PPP1R9A: variants seen among roughly 807,000 people sequenced by gnomAD.
The protein encoded by PPP1R9A is neurabin-1.
PPP1R9A carries 59 observed loss-of-function variants against 141.9 expected under a neutral mutation model. That is an observed-to-expected ratio of 0.42 (90% CI 0.34 to 0.52). PPP1R9A has a LOEUF of 0.52. Ranked by LOEUF, PPP1R9A falls within the 20% of genes least tolerant of loss-of-function variation. The pLI is 0.10. For synonymous variants in PPP1R9A, 500 were observed against 569.7 expected, an observed-to-expected ratio of 0.88 and a Z score of 1.74; for missense variants, 1,444 against 1,611.9, an observed-to-expected ratio of 0.90 and a Z score of 1.78.
chr7:95,087,768 G>A lies in PPP1R9A; in HGVS notation c.1396-23491G>A, dbSNP rs142799191. On this transcript the variant is annotated intron_variant, in intron 2 of 19. Coordinates refer to ENST00000433360, the MANE Select transcript of PPP1R9A (RefSeq NM_001166160.2). The stretch of plus-strand genomic sequence containing the variant: ...AAATTAGCTGGGTGCGGTGGCAGGC[G>A]TCTGTAATCCCAGCTACTCAGGAGG... Among the ~76,000 whole-genome samples, 296 of 151,898 alleles carry A rather than the reference G, an allele frequency of 1.9e-3. 5 individuals are homozygous for A. The highest frequency in any genetic ancestry group is 6.6e-3 in the African/African-American group (273 of 41,302).
At chr7:94,921,331 C>T (rs1382354317) in intron 2 of PPP1R9A, among the ~76,000 whole-genome samples, 5 of 151,730 alleles carry the variant, frequency 3.3e-5, no homozygotes, top group Non-Finnish European at 7.4e-5. Flanking sequence ...CCTGTAGTCC[C>T]AGCTACTCGG....
At chr7:95,185,847 G>C (rs2106495) in intron 5 of PPP1R9A, among the ~76,000 whole-genome samples, 93,566 of 151,880 alleles carry the variant, frequency 0.62, 29,529 homozygotes, top group African/African-American at 0.76. Context: ...AAATATTTGG[G>C]TTTATTTCTG....
At chr7:94,949,331 A>T (rs1796213744) in intron 2 of PPP1R9A, among the ~76,000 whole-genome samples, 1 of 152,100 alleles carries the variant, frequency 6.6e-6, no homozygotes, top group East Asian at 1.9e-4. Flanking sequence ...TGCAGGGAGG[A>T]GGAATAGGAG....
rs140296486 is a variant in PPP1R9A at position 95,267,895 on chromosome 7, CTGTT to C, written c.2666-649_2666-646del. Among the ~76,000 whole-genome samples the C allele has an allele frequency of 3.1e-4, 47 of 152,220 alleles. No individual in the cohort carries two copies. The East Asian group carries it at 6.4e-3, about 21-fold the overall frequency. ...AAACTAAGTACTTACGATTTTTTAA[CTGTT>C]TGTTTCTTCATTTGTGTAGCCAGAC... is the stretch of plus-strand genomic sequence containing the variant. On this transcript the variant is annotated intron_variant, in intron 12 of 19. Transcript: ENST00000433360.
intron 4 of PPP1R9A, among the ~76,000 whole-genome samples, chr7:95,153,382 G>A (rs1829058968): frequency 6.6e-6 from 1 of 152,120 alleles, no homozygotes; most frequent in Non-Finnish European, 1.5e-5. Flanking sequence ...TTAGAATCAT[G>A]ATTCAGTTCA....
chr7:95,195,275 C>T (rs1347785223), intron 5 of PPP1R9A, among the ~76,000 whole-genome samples: 1 of 150,278 alleles, frequency 6.7e-6, no homozygotes, highest in Non-Finnish European at 1.5e-5. Flanking sequence ...AAGCAAAAGC[C>T]ATCAGTTTTT....
chr7:95,268,419 C>T (rs1165981149), intron 12 of PPP1R9A, 131 bp from the exon 13 acceptor site: 5 of 914,526 alleles, frequency 5.5e-6, no homozygotes, highest in Non-Finnish European at 8.1e-6. Flanking sequence ...TTCTTGGTTA[C>T]AGGCTGTCAT....
chr7:95,237,069 A>C (rs1240174484), intron 8 of PPP1R9A, among the ~76,000 whole-genome samples: 3 of 151,506 alleles, frequency 2.0e-5, no homozygotes, highest in Non-Finnish European at 4.4e-5. Flanking sequence ...TTATATTAAT[A>C]GCTTGATACA....
intron 8 of PPP1R9A, among the ~76,000 whole-genome samples, chr7:95,236,725 TTTTC>T (rs1272403940): frequency 1.3e-5 from 2 of 151,780 alleles, no homozygotes; most frequent in Non-Finnish European, 1.5e-5. Flanking sequence ...AATATTTCTT[TTTTC>T]TTTCTTCTTT....
intron 2 of PPP1R9A, among the ~76,000 whole-genome samples, chr7:94,957,295 G>C (rs1229978406): frequency 1.3e-5 from 2 of 152,128 alleles, no homozygotes; most frequent in African/African-American, 4.8e-5. Context: ...ATGCTTGACA[G>C]GGGTTAAAAC....
At chr7:94,908,389 G>A (rs1791038793) in intron 1 of PPP1R9A, 1 of 152,110 alleles carries the variant, frequency 6.6e-6, no homozygotes, top group African/African-American at 2.4e-5. Context: ...TGTGGCCAGG[G>A]AGCTCGTCTC....
intron 2 of PPP1R9A, among the ~76,000 whole-genome samples, chr7:94,976,768 A>T (rs1799496985): frequency 6.6e-6 from 1 of 152,138 alleles, no homozygotes; most frequent in African/African-American, 2.4e-5. Context: ...GGAATCAAGG[A>T]TCTGGAATCT....
intron 2 of PPP1R9A, among the ~76,000 whole-genome samples, chr7:94,944,716 C>A (rs1202402513): frequency 6.6e-6 from 1 of 151,990 alleles, no homozygotes; most frequent in Non-Finnish European, 1.5e-5. Flanking sequence ...TTCTCAGAAT[C>A]TTTTTCTCAA....
chr7:95,128,989 G>A (rs28806178), intron 4 of PPP1R9A, among the ~76,000 whole-genome samples: 43,204 of 152,082 alleles, frequency 0.28, 7,525 homozygotes, highest in Middle Eastern at 0.43. Context: ...GAGGTCTTAC[G>A]TTTAAATCTT....
rs570333824 is a variant in PPP1R9A, at chr7:95,042,105, G to A, written c.1396-69154G>A. Among the ~76,000 whole-genome samples the A allele has an allele frequency of 1.0e-3, 152 of 152,260 alleles. No homozygotes were observed. The Middle Eastern group carries it at 0.01, about 10-fold the overall frequency. On this transcript the variant is annotated intron_variant, in intron 2 of 19. Coordinates refer to ENST00000433360, the MANE Select transcript of PPP1R9A (RefSeq NM_001166160.2). The stretch of plus-strand genomic sequence containing the variant: ...AAGGTGATGTCAGGGAAGGCAGGTA[G>A]CCAGGTGTGCTTTTACTGCCCTCAG...
chr7:95,022,181 C>T (rs1010663367), intron 2 of PPP1R9A, among the ~76,000 whole-genome samples: 2 of 152,196 alleles, frequency 1.3e-5, no homozygotes, highest in East Asian at 1.9e-4. Context: ...TGAAGAGGTC[C>T]TTCACATCCC....
At chr7:95,055,772 T>G (rs897033258) in intron 2 of PPP1R9A, among the ~76,000 whole-genome samples, 1 of 152,138 alleles carries the variant, frequency 6.6e-6, no homozygotes, top group South Asian at 2.1e-4. Flanking sequence ...CTCAAGTACC[T>G]TGTACTCTAG....
chr7:94,940,479 A>G (rs955877848), intron 2 of PPP1R9A, among the ~76,000 whole-genome samples: 1 of 151,918 alleles, frequency 6.6e-6, no homozygotes, highest in African/African-American at 2.4e-5. Context: ...TTTCTTCACT[A>G]GATCTGTGAG....
intron 2 of PPP1R9A, among the ~76,000 whole-genome samples, chr7:94,965,856 G>A (rs1185341859): frequency 6.6e-6 from 1 of 151,954 alleles, no homozygotes; most frequent in Admixed American, 6.6e-5. Context: ...ATTCTGTGAA[G>A]AAAGTCAATG....
Sources: allele counts gnomAD v4.1 joint callset (sites outside exome capture counted in the v4.1 genomes callset), GRCh38; gene constraint gnomAD v4.1.1; transcripts MANE v1.5; gene names NCBI Gene and HGNC (gene_info 2026-07-23, HGNC 2026-07-21).